DOCK2: variants seen among roughly 807,000 people sequenced by gnomAD.
DOCK2 encodes dedicator of cytokinesis protein 2.
A neutral mutation model predicts 248.9 loss-of-function variants in DOCK2; 87 were observed. That is an observed-to-expected ratio of 0.35 (90% confidence interval 0.29 to 0.42). DOCK2 has a LOEUF of 0.42. Ranked by LOEUF, DOCK2 falls within the 10% of genes least tolerant of loss-of-function variation. The pLI is 1.00. For synonymous variants in DOCK2, 805 were observed against 821.6 expected (o/e 0.98, Z 0.35); for missense variants, 1,747 against 2,300.2 (o/e 0.76, Z 4.92).
intron 22 of DOCK2, among the ~76,000 whole-genome samples, chr5:169,725,465 C>T (rs1581100312): frequency 1.3e-5 from 2 of 151,864 alleles, no homozygotes; most frequent in Non-Finnish European, 2.9e-5. Context: ...TGTGCATATG[C>T]ATGAGCTGTT....
chr5:169,842,323 A>G (rs919907359), intron 27 of DOCK2, among the ~76,000 whole-genome samples: 1 of 151,978 alleles, frequency 6.6e-6, no homozygotes, highest in African/African-American at 2.4e-5. Context: ...CTTACTTACC[A>G]TCCTTCCACC....
In DOCK2 at chr5:169,940,484, T is replaced by C. The variant is rs143293643; in HGVS notation, c.2800-42584T>C. The stretch of plus-strand genomic sequence containing the variant: ...TTATTGTGCACTTTATTTCTATTAG[T>C]ATTATATTTTAATTTATAATGAAAT... On this transcript the variant is annotated intron_variant, in intron 27 of 51. Transcript: ENST00000520908. Among the ~76,000 whole-genome samples the C allele has an allele frequency of 3.5e-3, 527 of 152,350 alleles. 5 individuals are homozygous for C. In the South Asian group the frequency reaches 0.043, roughly 13 times the overall value.
chr5:169,881,195 T>C (rs978690698), intron 27 of DOCK2, among the ~76,000 whole-genome samples: 1 of 152,208 alleles, frequency 6.6e-6, no homozygotes, highest in East Asian at 1.9e-4. Flanking sequence ...GCTCATAGAC[T>C]TTGTTCTAAG....
chr5:170,015,446 A>G (rs1405743785), intron 32 of DOCK2, among the ~76,000 whole-genome samples: 1 of 152,122 alleles, frequency 6.6e-6, no homozygotes, highest in Non-Finnish European at 1.5e-5. Context: ...AACAATGAGG[A>G]GAGAATTGAT....
At chr5:169,718,981 A>G (rs142824148) in intron 22 of DOCK2, among the ~76,000 whole-genome samples, 190 bp downstream of exon 22, 28 of 152,380 alleles carry the variant, frequency 1.8e-4, no homozygotes, top group Admixed American at 5.2e-4. Context: ...TGGGAAAAAA[A>G]AGAAATCTTA....
chr5:169,915,227 TA>T (rs1774811218), intron 27 of DOCK2, among the ~76,000 whole-genome samples: 1 of 152,162 alleles, frequency 6.6e-6, no homozygotes, highest in Non-Finnish European at 1.5e-5. Context: ...AACTTTCGGG[TA>T]AAAGCAAATA....
At chr5:169,999,161 A>G (rs1396175760) in intron 30 of DOCK2, among the ~76,000 whole-genome samples, 5 of 152,222 alleles carry the variant, frequency 3.3e-5, no homozygotes, top group Admixed American at 1.3e-4. Flanking sequence ...TTAGGTTTAT[A>G]TCCTGTTTTC....
intron 33 of DOCK2, among the ~76,000 whole-genome samples, chr5:170,021,042 TAA>T (rs988889117): frequency 1.3e-5 from 2 of 152,218 alleles, no homozygotes; most frequent in Non-Finnish European, 2.9e-5. Flanking sequence ...CTGAGAGGAA[TAA>T]GAGACTAGTT....
intron 27 of DOCK2, chr5:169,883,442 A>G (rs1331266883): frequency 6.4e-7 from 1 of 1,551,678 alleles, no homozygotes. Flanking sequence ...TGCTGAGCCA[A>G]CCTTAAGTAG....
intron 25 of DOCK2, among the ~76,000 whole-genome samples, chr5:169,785,976 G>A (rs1765959495): frequency 6.6e-6 from 1 of 152,206 alleles, no homozygotes; most frequent in African/African-American, 2.4e-5. Flanking sequence ...ATTTTACAAA[G>A]TGACTGGTGG....
intron 33 of DOCK2, among the ~76,000 whole-genome samples, chr5:170,025,836 CTTCCTTCCTTCT>C (rs1207559075): frequency 0.016 from 1,987 of 126,108 alleles, 32 homozygotes; most frequent in African/African-American, 0.038. Flanking sequence ...TCCTTCCTTC[CTTCCTTCCTTCT>C]TTCCTTCCTT....
At chr5:170,057,474 G>T (rs1039562123) in intron 43 of DOCK2, 106 bp from the exon 44 acceptor site, 5 of 886,580 alleles carry the variant, frequency 5.6e-6, no homozygotes, top group Non-Finnish European at 1.9e-6. Context: ...GGGTAGATGG[G>T]AGGCCCGGGG....
chr5:169,701,975 A>G (rs1264118997), intron 13 of DOCK2, among the ~76,000 whole-genome samples: 2 of 152,216 alleles, frequency 1.3e-5, no homozygotes, highest in South Asian at 2.1e-4. Context: ...GACAGGATCA[A>G]TTCAATTGGA....
chr5:170,065,436 T>C (rs1278662116), intron 44 of DOCK2, among the ~76,000 whole-genome samples: 1 of 152,138 alleles, frequency 6.6e-6, no homozygotes, highest in Non-Finnish European at 1.5e-5. Context: ...ATGGATTAAA[T>C]TCAACAATCA....
chr5:170,006,496 A>G (rs1755038204), intron 30 of DOCK2, among the ~76,000 whole-genome samples: 1 of 152,052 alleles, frequency 6.6e-6, no homozygotes. Context: ...TATTTTTAGT[A>G]GAGATGGGGT....
At chr5:169,749,546 G>A (rs145997667) in intron 23 of DOCK2, among the ~76,000 whole-genome samples, 59 of 152,274 alleles carry the variant, frequency 3.9e-4, no homozygotes, top group African/African-American at 1.4e-3. Context: ...CTAGGGATAC[G>A]TCTTAAGGTT....
chr5:170,029,685 AC>A (rs1394190466), intron 34 of DOCK2, among the ~76,000 whole-genome samples: 1 of 152,166 alleles, frequency 6.6e-6, no homozygotes, highest in Non-Finnish European at 1.5e-5. Context: ...TAGGAACATG[AC>A]CCAGACATCC....
intron 44 of DOCK2, among the ~76,000 whole-genome samples, chr5:170,065,605 A>T (rs114451256): frequency 0.018 from 2,733 of 152,340 alleles, 78 homozygotes; most frequent in African/African-American, 0.061. Flanking sequence ...GGGAGGCCTC[A>T]CAACCATGGA....
chr5:169,934,991 C>A, intron 27 of DOCK2: 1 of 263,896 alleles, frequency 3.8e-6, no homozygotes, highest in Non-Finnish European at 7.5e-6. Flanking sequence ...ACGTTAGCAG[C>A]CAACATACTG....
Sources: allele counts gnomAD v4.1 joint callset (sites outside exome capture counted in the v4.1 genomes callset), GRCh38; gene constraint gnomAD v4.1.1; transcripts MANE v1.5; gene names NCBI Gene and HGNC (gene_info 2026-07-23, HGNC 2026-07-21).